Variants in CSMD3 observed in about 807,000 individuals in gnomAD.
CSMD3 encodes CUB and sushi domain-containing protein 3.
CSMD3 carries 177 observed loss-of-function variants against 435.2 expected under a neutral mutation model. That is an observed-to-expected ratio of 0.41 (90% CI 0.36 to 0.46). The LOEUF is 0.46. Ranked by LOEUF, CSMD3 falls within the 20% of genes least tolerant of loss-of-function variation. The probability of loss-of-function intolerance (pLI) is 0.34; values close to 1 mark genes in which losing one functional copy is unlikely to be tolerated. For synonymous variants in CSMD3, 1,656 were observed against 1,520.5 expected (o/e 1.09, Z -2.07); for missense variants, 4,265 against 4,504.6 (o/e 0.95, Z 1.52).
chr8:112,437,446 T>C (rs1042058374), intron 32 of CSMD3, among the ~76,000 whole-genome samples: 2 of 152,102 alleles, frequency 1.3e-5, no homozygotes, highest in Non-Finnish European at 2.9e-5. Flanking sequence ...ACATAGCCTT[T>C]GTCACGACGG....
intron 1 of CSMD3, among the ~76,000 whole-genome samples, chr8:113,424,871 T>C (rs528095178): frequency 6.6e-6 from 1 of 151,682 alleles, no homozygotes; most frequent in East Asian, 1.9e-4. Context: ...ATATATATGA[T>C]ATATAAATAA....
At chr8:112,865,708 A>G (rs1207082296) in intron 10 of CSMD3, among the ~76,000 whole-genome samples, 1 of 151,638 alleles carries the variant, frequency 6.6e-6, no homozygotes, top group Non-Finnish European at 1.5e-5. Context: ...ACACACACAC[A>G]CACACACACA....
At chr8:112,932,520 G>T (rs1418711884) in intron 9 of CSMD3, among the ~76,000 whole-genome samples, 1 of 152,042 alleles carries the variant, frequency 6.6e-6, no homozygotes, top group Non-Finnish European at 1.5e-5. Context: ...TGCTGGGATT[G>T]CAGGCTACTT....
At chr8:113,363,752 A>G (rs1372644202) in intron 1 of CSMD3, among the ~76,000 whole-genome samples, 1 of 152,190 alleles carries the variant, frequency 6.6e-6, no homozygotes, top group Non-Finnish European at 1.5e-5. Context: ...TAACTTAATC[A>G]TATCTACAAA....
intron 5 of CSMD3, among the ~76,000 whole-genome samples, chr8:113,089,727 C>T (rs1327674458): frequency 3.3e-5 from 5 of 152,072 alleles, no homozygotes; most frequent in African/African-American, 4.8e-5. Context: ...TGTCACTTGC[C>T]TTTCTTTATC....
chr8:112,505,409 C>A lies in CSMD3; in HGVS notation c.4895+1282G>T, dbSNP rs187876502. On this transcript the variant is annotated intron_variant, in intron 29 of 70. Coordinates refer to ENST00000297405, the MANE Select transcript of CSMD3 (RefSeq NM_198123.2). ...GAGATAAAACACAACTTCTGAATTT[C>A]ATCTCTTCCAACATTAAACTTTGAT... Among the ~76,000 whole-genome samples the A allele has an allele frequency of 3.3e-4, 50 of 152,270 alleles. No individual in the cohort carries two copies. In the East Asian group the frequency reaches 9.5e-3, roughly 29 times the overall value.
At chr8:112,996,364 C>A (rs2085654326) in intron 6 of CSMD3, among the ~76,000 whole-genome samples, 1 of 151,394 alleles carries the variant, frequency 6.6e-6, no homozygotes, top group Non-Finnish European at 1.5e-5. Context: ...TGCCTTTTTG[C>A]ACCTAGATTA....
At chr8:112,557,117 C>A (rs1292481171) in intron 24 of CSMD3, among the ~76,000 whole-genome samples, 163 bp from the exon 25 acceptor site, 1 of 151,866 alleles carries the variant, frequency 6.6e-6, no homozygotes, top group East Asian at 1.9e-4. Context: ...ACCATGCAGA[C>A]CTTTTTTTTT....
At chr8:113,333,062 G>C (rs2094040564) in intron 1 of CSMD3, among the ~76,000 whole-genome samples, 1 of 151,504 alleles carries the variant, frequency 6.6e-6, no homozygotes, top group Non-Finnish European at 1.5e-5. Flanking sequence ...ATCTTATTTT[G>C]AGATAAGCAT....
rs143667436 is a variant in CSMD3 at position 112,774,313 on chromosome 8, G to A, written c.1972+25849C>T. On this transcript the variant is annotated intron_variant, in intron 13 of 70. Transcript: ENST00000297405. ...TATTTCAGATATGTAACACACCTCT[G>A]AATTGTGGAACTTATCTACACAACA... Among the ~76,000 whole-genome samples, 7 of 151,862 alleles carry A rather than the reference G, an allele frequency of 4.6e-5. No homozygotes were observed. The East Asian group carries it at 1.4e-3, about 30-fold the overall frequency.
At chr8:113,235,220 G>A (rs574603849) in intron 3 of CSMD3, among the ~76,000 whole-genome samples, 57 of 152,228 alleles carry the variant, frequency 3.7e-4, no homozygotes, top group Non-Finnish European at 7.6e-4. Flanking sequence ...TTTCCTTCAT[G>A]AAGAAAGCTC....
chr8:112,516,547 G>A (rs540223180), intron 28 of CSMD3, among the ~76,000 whole-genome samples: 92 of 152,246 alleles, frequency 6.0e-4, no homozygotes, highest in Middle Eastern at 3.4e-3. Context: ...TGATCCAGGC[G>A]CTACAGCTTC....
intron 31 of CSMD3, among the ~76,000 whole-genome samples, chr8:112,489,213 T>C (rs965381389): frequency 2.6e-5 from 4 of 152,052 alleles, no homozygotes; most frequent in Non-Finnish European, 5.9e-5. Flanking sequence ...AGGCCAGTAG[T>C]TCGAGACCAG....
chr8:112,808,525 T>C (rs1442121578), intron 12 of CSMD3, among the ~76,000 whole-genome samples: 1 of 152,102 alleles, frequency 6.6e-6, no homozygotes, highest in African/African-American at 2.4e-5. Context: ...GATAAGATAC[T>C]GTGGCAAGCT....
At chr8:113,193,804 G>GA (rs1178247536) in intron 3 of CSMD3, among the ~76,000 whole-genome samples, 6 of 151,234 alleles carry the variant, frequency 4.0e-5, no homozygotes, top group Non-Finnish European at 8.9e-5. Flanking sequence ...AAATCTAAAA[G>GA]AATTATTTCT....
chr8:113,068,219 T>C (rs573619647), intron 5 of CSMD3, among the ~76,000 whole-genome samples: 1 of 152,240 alleles, frequency 6.6e-6, no homozygotes, highest in African/African-American at 2.4e-5. Flanking sequence ...TACTGTGAAT[T>C]CTCGATGACA....
intron 1 of CSMD3, among the ~76,000 whole-genome samples, chr8:113,389,438 A>G (rs2094452586): frequency 6.6e-6 from 1 of 151,612 alleles, no homozygotes; most frequent in Admixed American, 6.6e-5. Context: ...ATATTAATGT[A>G]AAAATAGAGC....
At chr8:113,379,573 G>A (rs1211888705) in intron 1 of CSMD3, among the ~76,000 whole-genome samples, 1 of 152,170 alleles carries the variant, frequency 6.6e-6, no homozygotes, top group Non-Finnish European at 1.5e-5. Context: ...TAGCACCTAA[G>A]CAGATAAGGT....
At chr8:112,254,857 AGG>A (rs1459287611) in intron 62 of CSMD3, among the ~76,000 whole-genome samples, 1 of 152,108 alleles carries the variant, frequency 6.6e-6, no homozygotes, top group Non-Finnish European at 1.5e-5. Flanking sequence ...CATTAATTTT[AGG>A]ATTACAGAAA....
Sources: gnomAD v4.1 joint callset for allele counts (sites outside exome capture counted in the v4.1 genomes callset) on GRCh38, gnomAD v4.1.1 for gene constraint, MANE v1.5 for transcripts, NCBI Gene and HGNC (gene_info 2026-07-23, HGNC 2026-07-21) for gene names.